GGN: variants seen among roughly 807,000 people sequenced by gnomAD.
GGN encodes gametogenetin.
A neutral mutation model predicts 35.5 loss-of-function variants in GGN; 27 were observed. The observed-to-expected ratio is 0.76, with a 90% CI of 0.56 to 1.05. The LOEUF is 1.05. Ranked by LOEUF, GGN falls within the 50% of genes least tolerant of loss-of-function variation. GGN has a pLI of 0.00. For missense variants in GGN, 1,006 were observed against 940.7 expected, an observed-to-expected ratio of 1.07 and a Z score of -0.91; for synonymous variants, 425 against 444.1, an observed-to-expected ratio of 0.96 and a Z score of 0.54.
At position 38,387,162 on chromosome 19, in the gene GGN, G is replaced by C. The variant is rs1267614976; in HGVS notation, c.100C>G (p.Pro34Ala). 2 of 1,585,044 alleles carry C rather than the reference G, an allele frequency of 1.3e-6. No individual in the cohort carries two copies. The highest frequency in any genetic ancestry group is 1.7e-6 in the Non-Finnish European group (2 of 1,165,732). The change falls in exon 3 of 4, where the codon CCC becomes GCC. Residue 34 changes from proline (P) to alanine (A), a missense_variant. By Grantham distance (27) the Pro-to-Ala change is conservative (BLOSUM62 -1). Coordinates refer to ENST00000334928, the MANE Select transcript of GGN (RefSeq NM_152657.4). The surrounding 1 kb of genome is among the most constrained non-coding windows in gnomAD (Gnocchi z 5.3). ...PDSRRTSLVEPEMTSQAMRLT... is the reference protein window; with the variant it reads ...PDSRRTSLVEAEMTSQAMRLT... ...CGCATGGCCTGGGAGGTCATCTCGG[G>C]CTCCACCAGGGACGTCCGGCGGGAG...
At position 38,387,179 on chromosome 19, in the gene GGN, C is replaced by T. The variant is rs756632496; in HGVS notation, c.83G>A (p.Arg28Gln). The change falls in exon 3 of 4, where the codon CGG (arginine) becomes CAG (glutamine). Residue 28 changes from arginine (R) to glutamine (Q), a missense_variant. Transcript: ENST00000334928. The surrounding 1 kb of genome is among the most constrained non-coding windows in gnomAD (Gnocchi z 5.3). ...CATCTCGGGCTCCACCAGGGACGTC[C>T]GGCGGGAGTCGGGGGCGCGGTCCGA... ...QPSDRAPDSR[R>Q]TSLVEPEMTS... 3.1e-6 allele frequency: 5 copies of T among 1,589,026 alleles called. No individual in the cohort carries two copies. Among genetic ancestry groups the T allele is most frequent in the African/African-American group, 1.3e-5 (1 of 74,368 alleles).
In GGN at chr19:38,386,551, G is replaced by T. The variant is rs765961742; in HGVS notation, c.711C>A (p.Ser237=). The change falls in exon 3 of 4, where the codon TCC becomes TCA. Residue 237 remains serine (S), a synonymous_variant. Transcript: ENST00000334928. ...GEMAQPADSE[S]GLSLLCKITF... ...TGATTTTACACAGCAGGCTCAGACC[G>T]GACTCGGAATCCGCAGGCTGGGCCA... is the stretch of plus-strand genomic sequence containing the variant. 25 of 1,613,524 alleles carry T rather than the reference G, an allele frequency of 1.5e-5. No individual in the cohort carries two copies. Among genetic ancestry groups the T allele is most frequent in the Non-Finnish European group, 2.0e-5 (24 of 1,179,964 alleles).
chr19:38,387,078 C>T lies in GGN; in HGVS notation c.184G>A (p.Val62Ile), dbSNP rs1232767886. 5 of 1,557,796 alleles carry T rather than the reference C, an allele frequency of 3.2e-6. No homozygotes were observed. The highest frequency in any genetic ancestry group is 3.5e-6 in the Non-Finnish European group (4 of 1,150,560). Residue 62 changes from valine (V) to isoleucine (I), a missense_variant, in exon 3 of 4, where the codon GTA becomes ATA. Transcript: ENST00000334928. This position sits in a 1 kb window ranked among gnomAD's most constrained non-coding sequence, Gnocchi z 5.3. ...PGSATPPGLM[V>I]PREPQASPST... The stretch of plus-strand genomic sequence containing the variant: ...GGTGAGGCCTGGGGCTCCCGGGGTA[C>T]CATGAGTCCCGGGGGTGTGGCGCTG...
rs1970755543 is a variant in GGN, at chr19:38,387,575, C to A, written c.-20+186G>T. Among the ~76,000 whole-genome samples, 1 of 152,178 alleles carries A rather than the reference C, an allele frequency of 6.6e-6. No individual in the cohort carries two copies. Among genetic ancestry groups the A allele is most frequent in the Non-Finnish European group, 1.5e-5 (1 of 68,018 alleles). Reference sequence around the variant, plus strand: ...GATCCCTCAGTCCTCTCCTCTAACTCTCCGACTCCCCGCCTCTCTCTAGAG... The same window carrying A: ...GATCCCTCAGTCCTCTCCTCTAACTATCCGACTCCCCGCCTCTCTCTAGAG... On this transcript the variant is annotated intron_variant, in intron 2 of 3. Coordinates refer to ENST00000334928, the MANE Select transcript of GGN (RefSeq NM_152657.4). This position sits in a 1 kb window ranked among gnomAD's most constrained non-coding sequence, Gnocchi z 5.3.
In GGN at chr19:38,384,404, G is replaced by A. The variant is rs372987753; in HGVS notation, c.*8C>T. The A allele has an allele frequency of 1.9e-4, 309 of 1,598,538 alleles. No homozygotes were observed. The highest frequency in any genetic ancestry group is 2.4e-4 in the Non-Finnish European group (278 of 1,166,254). ...AGGGGAAGGTGGAGGGTGTTGAGCC[G>A]ACTACACTCAGTTGGAATGGGTGGC... On this transcript the variant is annotated 3_prime_UTR_variant, in exon 4 of 4. Transcript: ENST00000334928.
At position 38,386,600 on chromosome 19, in the gene GGN, G is replaced by C. The variant is rs1035934905; in HGVS notation, c.662C>G (p.Pro221Arg). 6.2e-7 allele frequency: 1 copy of C among 1,613,154 alleles called. No homozygotes were observed. Among genetic ancestry groups the C allele is most frequent in the Non-Finnish European group, 8.5e-7 (1 of 1,179,632 alleles). ...CATTTCGCCTTCGCCCGCATGGGGAGGCGCCCCTCCGCGAGCCCTGCCGGC... is the reference window on the plus strand; with the variant it reads ...CATTTCGCCTTCGCCCGCATGGGGACGCGCCCCTCCGCGAGCCCTGCCGGC... ...QTAGRARGGA[P>R]PHAGEGEMAQ... The change falls in exon 3 of 4, where the codon CCT becomes CGT. Residue 221 changes from proline to arginine, a missense_variant. Transcript: ENST00000334928.
At position 38,384,284 on chromosome 19, in the gene GGN, T is replaced by C. The variant is rs1970672837; in HGVS notation, c.*128A>G. On this transcript the variant is annotated 3_prime_UTR_variant, in exon 4 of 4. Transcript: ENST00000334928. ...CTTCACGATTGTTTCCAAGATGTGC[T>C]TTAATGGCGATCCTGCCCTGCTGCA... 1 of 722,734 alleles carries C rather than the reference T, an allele frequency of 1.4e-6. No individual in the cohort carries two copies. Among genetic ancestry groups the C allele is most frequent in the Admixed American group, 2.1e-5 (1 of 48,024 alleles). The allele number at this position is 722,734 out of a possible 1,614,324, so 44.8% of individuals were successfully genotyped here.
Position 38,386,164 on chromosome 19 carries a change from G to C in GGN, c.1098C>G (p.Phe366Leu). The C allele has an allele frequency of 6.3e-7, 1 of 1,593,706 alleles. No individual in the cohort carries two copies. ...APDGPERHFRFNGAGGGIGAP... is the reference protein window; with the variant it reads ...APDGPERHFRLNGAGGGIGAP... The stretch of plus-strand genomic sequence containing the variant: ...CCCCGATGCCTCCGCCAGCCCCGTT[G>C]AAGCGGAAGTGGCGTTCAGGGCCGT... Residue 366 changes from phenylalanine to leucine, a missense_variant, in exon 3 of 4, where the codon TTC (phenylalanine) becomes TTG (leucine). Transcript: ENST00000334928.
At position 38,386,906 on chromosome 19, in the gene GGN, A is replaced by C. The variant is rs1320004747; in HGVS notation, c.356T>G (p.Val119Gly). The change falls in exon 3 of 4, where the codon GTT (valine) becomes GGT (glycine). Residue 119 changes from valine to glycine, a missense_variant. Transcript: ENST00000334928. ...CTCCAGCAGGCGGCGGATCCGGGGA[A>C]CTGGAGTGCCCGCGGGCTTTTGCCA... ...SKWQKPAGTP[V>G]PRIRRLLEAS... The C allele has an allele frequency of 6.4e-6, 10 of 1,559,920 alleles. No homozygotes were observed. The South Asian group carries it at 1.2e-4, about 18-fold the overall frequency.
Position 38,386,965 on chromosome 19 carries a change from G to A in GGN, c.297C>T (p.Ala99=). The change falls in exon 3 of 4, where the codon GCC becomes GCT. Residue 99 remains alanine (A), a synonymous_variant. Coordinates refer to ENST00000334928, the MANE Select transcript of GGN (RefSeq NM_152657.4). The part of the protein sequence containing the change: ...EAAAVSAPPP[A]PAGTLLPGPS... Reference sequence around the variant, plus strand: ...GGCCGGGCAGCAGAGTCCCCGCGGGGGCCGGGGGTGGTGCAGAGACCGCGG... The same window carrying A: ...GGCCGGGCAGCAGAGTCCCCGCGGGAGCCGGGGGTGGTGCAGAGACCGCGG... 2 of 1,541,994 alleles carry A rather than the reference G, an allele frequency of 1.3e-6. No individual in the cohort carries two copies. The highest frequency in any genetic ancestry group is 1.7e-6 in the Non-Finnish European group (2 of 1,144,280).
rs770527882 is a variant in GGN, at chr19:38,385,408, T to C, written c.1841+13A>G. Reference sequence around the variant, plus strand: ...TGGGGTTCGGCACCCTCCTGTCCCTTCTCCCCTCTCACCAGGCAGAGACGT... The same window carrying C: ...TGGGGTTCGGCACCCTCCTGTCCCTCCTCCCCTCTCACCAGGCAGAGACGT... On this transcript the variant is annotated intron_variant, in intron 3 of 3. Transcript: ENST00000334928. 4.3e-6 allele frequency: 7 copies of C among 1,613,232 alleles called. No individual in the cohort carries two copies. Among genetic ancestry groups the C allele is most frequent in the Non-Finnish European group, 5.9e-6 (7 of 1,180,022 alleles).
upstream of GGN, chr19:38,388,363 T>C (rs1213388830): frequency 7.6e-6 from 3 of 395,528 alleles, no homozygotes; most frequent in Admixed American, 1.3e-4. Context: ...CACCCACTTG[T>C]GAAGGCTCCC....
Position 38,385,779 on chromosome 19 carries a change from C to T in GGN, c.1483G>A (p.Ala495Thr). 2 of 1,565,318 alleles carry T rather than the reference C, an allele frequency of 1.3e-6. No homozygotes were observed. Among genetic ancestry groups the T allele is most frequent in the South Asian group, 1.1e-5 (1 of 87,308 alleles). Reference sequence around the variant, plus strand: ...GTGGGAGCTGGAGCCGGGGATGGGGCCGGGGCCTGGTCGGCGGCTAAGGCT... The same window carrying T: ...GTGGGAGCTGGAGCCGGGGATGGGGTCGGGGCCTGGTCGGCGGCTAAGGCT... ...PPALAADQAP[A>T]PSPAPAPTVA... is the part of the protein sequence containing the mutation. Residue 495 changes from alanine to threonine, a missense_variant, in exon 3 of 4, where the codon GCC becomes ACC. Ala to Thr is a moderately conservative substitution (Grantham distance 58, BLOSUM62 0). Transcript: ENST00000334928.
chr19:38,386,713 C>T lies in GGN; in HGVS notation c.549G>A (p.Pro183=). ...PPPPLPSERQ[P]ADRRITPALA... is the part of the protein sequence containing the mutation. ...GAGCAGGAGTGATTCTGCGGTCCGC[C>T]GGCTGCCGTTCAGAAGGTAATGGTG... The change falls in exon 3 of 4, where the codon CCG becomes CCA. Residue 183 remains proline, a synonymous_variant. Coordinates refer to ENST00000334928, the MANE Select transcript of GGN (RefSeq NM_152657.4). 6.2e-7 allele frequency: 1 copy of T among 1,606,132 alleles called. No individual in the cohort carries two copies. Among genetic ancestry groups the T allele is most frequent in the Non-Finnish European group, 8.5e-7 (1 of 1,175,104 alleles).
In GGN at chr19:38,386,576, A is replaced by T. The variant is rs764678670; in HGVS notation, c.686T>A (p.Met229Lys). ...GAPPHAGEGE[M>K]AQPADSESGL... is the part of the protein sequence containing the mutation. ...GGACTCGGAATCCGCAGGCTGGGCC[A>T]TTTCGCCTTCGCCCGCATGGGGAGG... The change falls in exon 3 of 4, where the codon ATG becomes AAG. Residue 229 changes from methionine (M) to lysine (K), a missense_variant. Met to Lys is a moderately conservative substitution (Grantham distance 95). Transcript: ENST00000334928. 6.2e-7 allele frequency: 1 copy of T among 1,613,580 alleles called. No individual in the cohort carries two copies. The highest frequency in any genetic ancestry group is 8.5e-7 in the Non-Finnish European group (1 of 1,179,878).
At position 38,386,814 on chromosome 19, in the gene GGN, G is replaced by C. The variant is rs1376962362; in HGVS notation, c.448C>G (p.Gln150Glu). The change falls in exon 3 of 4, where the codon CAA (glutamine) becomes GAA (glutamate). Residue 150 changes from glutamine (Q) to glutamate (E), a missense_variant. Physicochemically the swap from Gln to Glu is conservative, Grantham distance 29. Transcript: ENST00000334928. ...RPLKPPPPPR[Q>E]LSVKDTVPRA... ...GGGACAGTGTCCTTCACGGATAGTT[G>C]CCGGGGCGGCGGCGGCGGCTTCAGC... The C allele has an allele frequency of 6.2e-7, 1 of 1,609,208 alleles. No homozygotes were observed. Among genetic ancestry groups the C allele is most frequent in the Admixed American group, 1.7e-5 (1 of 59,624 alleles).
chr19:38,385,345 G>A, intron 3 of GGN, 76 bp downstream of exon 3: 1 of 1,590,510 alleles, frequency 6.3e-7, no homozygotes, highest in Non-Finnish European at 8.6e-7. Flanking sequence ...TCTAGGGTCA[G>A]GAAGCCAAAG....
rs925334669 is a variant in GGN at position 38,387,389 on chromosome 19, G to A, written c.-19-109C>T. Reference sequence around the variant, plus strand: ...CACCGGCCCCGCCCCTGTTCTCCAAGATCCGATCAGGCCCAAGTCCTTAGG... The same window carrying A: ...CACCGGCCCCGCCCCTGTTCTCCAAAATCCGATCAGGCCCAAGTCCTTAGG... On this transcript the variant is annotated intron_variant, in intron 2 of 3. Transcript: ENST00000334928. The surrounding 1 kb of genome is among the most constrained non-coding windows in gnomAD (Gnocchi z 5.3). 3.4e-5 allele frequency: 49 copies of A among 1,434,260 alleles called. No homozygotes were observed. The East Asian group carries it at 1.2e-3, about 35-fold the overall frequency. The allele number at this position is 1,434,260 out of a possible 1,614,324, so 88.8% of individuals were successfully genotyped here.
intron 3 of GGN, among the ~76,000 whole-genome samples, 195 bp downstream of exon 3, chr19:38,385,226 T>TC (rs1389769600): frequency 2.0e-5 from 3 of 152,136 alleles, no homozygotes; most frequent in South Asian, 2.1e-4. Context: ...GGCCAGGGTG[T>TC]CCCCCTTTCC....
Sources: allele counts gnomAD v4.1 joint callset (sites outside exome capture counted in the v4.1 genomes callset), GRCh38; gene constraint gnomAD v4.1.1; non-coding constraint Gnocchi (gnomAD v3.1); transcripts MANE v1.5; gene names NCBI Gene and HGNC (gene_info 2026-07-23, HGNC 2026-07-21).